NPTX1: variants seen among roughly 807,000 people sequenced by gnomAD.
NPTX1 encodes neuronal pentraxin 1, also known as neuronal pentraxin-1.
A neutral mutation model predicts 38.7 loss-of-function variants in NPTX1; 12 were observed. That is an observed-to-expected ratio of 0.31 (90% CI 0.20 to 0.50). The LOEUF is 0.50. Ranked by LOEUF, NPTX1 falls within the 20% of genes least tolerant of loss-of-function variation. The probability of loss-of-function intolerance (pLI) is 0.98; values close to 1 mark genes in which losing one functional copy is unlikely to be tolerated. For missense variants in NPTX1, 454 were observed against 592.2 expected, an observed-to-expected ratio of 0.77 and a Z score of 2.42; for synonymous variants, 272 against 264.9, an observed-to-expected ratio of 1.03 and a Z score of -0.26.
Position 80,476,123 on chromosome 17 carries a change from G to T in NPTX1, c.324C>A (p.Arg108=). 1 of 1,599,428 alleles carries T rather than the reference G, an allele frequency of 6.3e-7. No homozygotes were observed. Among genetic ancestry groups the T allele is most frequent in the Non-Finnish European group, 8.5e-7 (1 of 1,176,554 alleles). Residue 108 remains arginine, a synonymous_variant, in exon 1 of 5, where the codon CGC becomes CGA. Coordinates refer to ENST00000306773, the MANE Select transcript of NPTX1 (RefSeq NM_002522.4). The surrounding 1 kb of genome is among the most constrained non-coding windows in gnomAD (Gnocchi z 6.3). ...TGTTCTTGCCCGAGCCGGGCTGCTTGCGGCCGCCGCCCGCCCGGGCCTCGC... is the reference window on the plus strand; with the variant it reads ...TGTTCTTGCCCGAGCCGGGCTGCTTTCGGCCGCCGCCCGCCCGGGCCTCGC... ...GAGEARAGGG[R]KQPGSGKNTM...
rs1416069729 is a variant in NPTX1 at position 80,476,030 on chromosome 17, C to T, written c.417G>A (p.Ser139=). 6.2e-7 allele frequency: 1 copy of T among 1,608,586 alleles called. No homozygotes were observed. Among genetic ancestry groups the T allele is most frequent in the Admixed American group, 1.7e-5 (1 of 59,904 alleles). The part of the protein sequence containing the change: ...TLSQLGQTLQ[S]LKTRLENLEQ... ...CGAGGTTCTCCAGGCGGGTTTTGAG[C>T]GATTGCAAAGTTTGCCCGAGTTGGC... is the stretch of plus-strand genomic sequence containing the variant. The change falls in exon 1 of 5, where the codon TCG becomes TCA. Residue 139 remains serine (S), a synonymous_variant. Transcript: ENST00000306773. This position sits in a 1 kb window ranked among gnomAD's most constrained non-coding sequence, Gnocchi z 6.3.
At position 80,467,045 on chromosome 17, in the gene NPTX1, T is replaced by A. The variant is rs2145184895; in HGVS notation, c.*3768A>T. The A allele has an allele frequency of 6.7e-6, 1 of 149,236 alleles. No homozygotes were observed. Among genetic ancestry groups the A allele is most frequent in the South Asian group, 2.1e-4 (1 of 4,720 alleles). 9.2% of individuals were successfully genotyped at this position (149,236 alleles called of 1,614,324 possible). A position where few individuals can be genotyped will look rare whatever the true frequency, so the allele number is the denominator to read the frequency against. Reference sequence around the variant, plus strand: ...AAAATGTACAGCTTTGGTTAGCAAATAATGAAAAAGTGAGATACATCGATT... The same window carrying A: ...AAAATGTACAGCTTTGGTTAGCAAAAAATGAAAAAGTGAGATACATCGATT... On this transcript the variant is annotated 3_prime_UTR_variant, in exon 5 of 5. Coordinates refer to ENST00000306773, the MANE Select transcript of NPTX1 (RefSeq NM_002522.4).
intron 3 of NPTX1, among the ~76,000 whole-genome samples, chr17:80,472,719 G>T (rs1207760224): frequency 2.0e-5 from 3 of 152,208 alleles, no homozygotes; most frequent in African/African-American, 7.2e-5. Flanking sequence ...TAGAGGGAAA[G>T]GCTGCCTGTG....
chr17:80,474,999 G>A (rs1222564185), intron 2 of NPTX1, among the ~76,000 whole-genome samples: 1 of 152,164 alleles, frequency 6.6e-6, no homozygotes, highest in Non-Finnish European at 1.5e-5. Context: ...ACAGAAGTGG[G>A]GAGGAGCTGG....
intron 3 of NPTX1, among the ~76,000 whole-genome samples, chr17:80,472,625 C>T (rs1218885320): frequency 1.3e-5 from 2 of 152,220 alleles, no homozygotes; most frequent in Admixed American, 1.3e-4. Context: ...TAGCCATTGA[C>T]TACCACTGCT....
rs1445853963 is a variant in NPTX1, at chr17:80,467,115, TA to T, written c.*3697del. 7 of 134,760 alleles carry T rather than the reference TA, an allele frequency of 5.2e-5. No individual in the cohort carries two copies. The highest frequency in any genetic ancestry group is 7.9e-5 in the Admixed American group (1 of 12,616). 8.3% of individuals were successfully genotyped at this position (134,760 alleles called of 1,614,324 possible). On this transcript the variant is annotated 3_prime_UTR_variant, in exon 5 of 5. Coordinates refer to ENST00000306773, the MANE Select transcript of NPTX1 (RefSeq NM_002522.4). ...ATATACATTATAACAATATCAACCATAGGGGGTTTGCTTTTTTTTTTTTTTT... is the reference window on the plus strand; with the variant it reads ...ATATACATTATAACAATATCAACCATGGGGGTTTGCTTTTTTTTTTTTTTT...
At chr17:80,471,581 C>T (rs901256078) in intron 4 of NPTX1, 151 bp downstream of exon 4, 3 of 1,274,714 alleles carry the variant, frequency 2.4e-6, no homozygotes, top group Non-Finnish European at 3.1e-6. Context: ...GCATGTCCAC[C>T]CAGGGCACAG....
At chr17:80,474,584 G>A (rs902709170) in intron 2 of NPTX1, 8 of 152,436 alleles carry the variant, frequency 5.2e-5, no homozygotes, top group African/African-American at 1.9e-4. Context: ...ACCCATTGAG[G>A]CCTGCAGTGG....
chr17:80,472,276 G>A (rs957834321), intron 3 of NPTX1, among the ~76,000 whole-genome samples: 2 of 152,150 alleles, frequency 1.3e-5, no homozygotes, highest in Non-Finnish European at 2.9e-5. Flanking sequence ...TCAAGGCTCC[G>A]TGCGACATCT....
intron 3 of NPTX1, 134 bp downstream of exon 3, chr17:80,473,066 A>C: frequency 9.0e-6 from 8 of 885,304 alleles, no homozygotes; most frequent in South Asian, 1.7e-5. Flanking sequence ...CCCCTCCCTC[A>C]GTCCCACCTG....
chr17:80,471,091 A>C, intron 4 of NPTX1, 57 bp from the exon 5 acceptor site: 1 of 1,371,740 alleles, frequency 7.3e-7, no homozygotes, highest in Non-Finnish European at 1.0e-6. Context: ...CTGGGGGCCC[A>C]TCCCTAGGCC....
intron 2 of NPTX1, chr17:80,474,284 T>TATA (rs1198686802): frequency 1.3e-5 from 2 of 152,146 alleles, no homozygotes; most frequent in African/African-American, 4.8e-5. Flanking sequence ...ATAGCCCATC[T>TATA]ATATACTGTG....
In NPTX1 at chr17:80,476,104, T is replaced by G; in HGVS notation, c.343A>C (p.Lys115Gln). ...GGGRKQPGSG[K>Q]NTMGDLSRTP... ...CGGGACAGGTCGCCCATGGTGTTCT[T>G]GCCCGAGCCGGGCTGCTTGCGGCCG... Residue 115 changes from lysine to glutamine, a missense_variant, in exon 1 of 5, where the codon AAG becomes CAG. This residue lies in a region of NPTX1 where 288 missense variants were observed against 318.4 expected (regional missense o/e 0.90). Transcript: ENST00000306773. This position sits in a 1 kb window ranked among gnomAD's most constrained non-coding sequence, Gnocchi z 6.3. 1 of 1,604,170 alleles carries G rather than the reference T, an allele frequency of 6.2e-7. No individual in the cohort carries two copies. The highest frequency in any genetic ancestry group is 1.1e-5 in the South Asian group (1 of 90,748).
chr17:80,471,885 A>G lies in NPTX1; in HGVS notation c.924T>C (p.Asn308=), dbSNP rs2083844376. 1 of 1,613,340 alleles carries G rather than the reference A, an allele frequency of 6.2e-7. No individual in the cohort carries two copies. The highest frequency in any genetic ancestry group is 1.1e-5 in the South Asian group (1 of 91,058). Residue 308 remains asparagine, a synonymous_variant, in exon 4 of 5, where the codon AAT becomes AAC. Coordinates refer to ENST00000306773, the MANE Select transcript of NPTX1 (RefSeq NM_002522.4). ...DKVAKLPFVI[N]DGKWHHICVT... ...CACAGATGTGGTGCCACTTGCCATC[A>G]TTGATGACAAAAGGCAACTTGGCCA... is the stretch of plus-strand genomic sequence containing the variant.
At chr17:80,472,936 A>G (rs1346283666) in intron 3 of NPTX1, among the ~76,000 whole-genome samples, 1 of 152,164 alleles carries the variant, frequency 6.6e-6, no homozygotes, top group Non-Finnish European at 1.5e-5. Flanking sequence ...GCCAGGCCCC[A>G]TGGCTCGTTC....
rs772916484 is a variant in NPTX1 at position 80,473,208 on chromosome 17, T to C, written c.889A>G (p.Asn297Asp). The change falls in exon 3 of 5, where the codon AAT becomes GAT. Residue 297 changes from asparagine (N) to aspartate (D), a missense_variant. Transcript: ENST00000306773. ...WGNNPMEILI[N>D]DKVAKLPFVI... ...CCCGGGGGCTGCTCTACCTTGTCATTGATGAGGATCTCCATGGGGTTGTTG... is the reference window on the plus strand; with the variant it reads ...CCCGGGGGCTGCTCTACCTTGTCATCGATGAGGATCTCCATGGGGTTGTTG... 1 of 1,613,012 alleles carries C rather than the reference T, an allele frequency of 6.2e-7. No homozygotes were observed. Among genetic ancestry groups the C allele is most frequent in the Non-Finnish European group, 8.5e-7 (1 of 1,179,952 alleles).
At chr17:80,473,641 C>T (rs75237095) in intron 2 of NPTX1, 197 bp from the exon 3 acceptor site, 13,421 of 598,792 alleles carry the variant, frequency 0.022, 1,310 homozygotes, top group African/African-American at 0.22. Context: ...AGAGCTGACC[C>T]AAGCTCTTCA....
chr17:80,472,141 A>G (rs2083845820), intron 3 of NPTX1, among the ~76,000 whole-genome samples: 1 of 152,220 alleles, frequency 6.6e-6, no homozygotes, highest in Non-Finnish European at 1.5e-5. Context: ...GGAACCCCCA[A>G]GGGCCATGTG....
rs753144252 is a variant in NPTX1, at chr17:80,471,794, C to T, written c.1015G>A (p.Glu339Lys). Residue 339 changes from glutamate (E) to lysine (K), a missense_variant, in exon 4 of 5, where the codon GAG becomes AAG. By Grantham distance (56) the Glu-to-Lys change is moderately conservative. Transcript: ENST00000306773. ...ATGGGGTGATAGGGCGCCAAGTTCTCGCCACTGCCACCCTGCGTGCCATCC... is the reference window on the plus strand; with the variant it reads ...ATGGGGTGATAGGGCGCCAAGTTCTTGCCACTGCCACCCTGCGTGCCATCC... ...YQDGTQGGSG[E>K]NLAPYHPIKP... 5.0e-6 allele frequency: 8 copies of T among 1,613,426 alleles called. No homozygotes were observed. The highest frequency in any genetic ancestry group is 3.3e-5 in the Admixed American group (2 of 60,024).
Sources: allele counts gnomAD v4.1 joint callset (sites outside exome capture counted in the v4.1 genomes callset), GRCh38; gene constraint gnomAD v4.1.1; regional missense constraint gnomAD v4.1.1; non-coding constraint Gnocchi (gnomAD v3.1); transcripts MANE v1.5; gene names NCBI Gene and HGNC (gene_info 2026-07-23, HGNC 2026-07-21).